The following CFAP54 variants were observed in gnomAD, a reference collection of about 807,000 sequenced individuals.
CFAP54 encodes cilia and flagella associated protein 54, also known as cilia- and flagella-associated protein 54.
CFAP54 carries 290 observed loss-of-function variants against 370.4 expected under a neutral mutation model. The ratio of observed to expected loss-of-function variants is 0.78; its 90% CI spans 0.71 to 0.86. CFAP54 has a LOEUF of 0.86. CFAP54 is among the 40% of genes least tolerant of loss of function. The probability of loss-of-function intolerance (pLI) is 0.00; values close to 1 mark genes in which losing one functional copy is unlikely to be tolerated. For synonymous variants in CFAP54, 1,206 were observed against 1,236.5 expected (o/e 0.98, Z 0.52); for missense variants, 3,399 against 3,528.7 (o/e 0.96, Z 0.93).
intron 1 of CFAP54, among the ~76,000 whole-genome samples, chr12:96,498,646 C>T (rs988020738): frequency 8.6e-5 from 13 of 152,002 alleles, no homozygotes; most frequent in Middle Eastern, 3.2e-3. Flanking sequence ...AGTGAGACTC[C>T]ATCTCAAAAC....
chr12:96,641,936 T>TGGGGGGGGGGGG (rs758561828), intron 32 of CFAP54, among the ~76,000 whole-genome samples: 16 of 85,766 alleles, frequency 1.9e-4, no homozygotes, highest in Middle Eastern at 6.6e-3. Flanking sequence ...TGTGGGGTGG[T>TGGGGGGGGGGGG]GCGGGGGGGG....
At chr12:96,849,749 C>A (rs1177599061) in intron 66 of CFAP54, among the ~76,000 whole-genome samples, 1 of 152,066 alleles carries the variant, frequency 6.6e-6, no homozygotes, top group Non-Finnish European at 1.5e-5. Context: ...CTGCAGTATG[C>A]CCCCACTTGA....
At chr12:96,650,716 T>G (rs1382266923) in intron 35 of CFAP54, among the ~76,000 whole-genome samples, 1 of 152,154 alleles carries the variant, frequency 6.6e-6, no homozygotes, top group Non-Finnish European at 1.5e-5. Flanking sequence ...AATCTATCCT[T>G]TCTAGATAAG....
intron 46 of CFAP54, among the ~76,000 whole-genome samples, chr12:96,702,665 G>C (rs1957504243): frequency 6.6e-6 from 1 of 152,186 alleles, no homozygotes; most frequent in African/African-American, 2.4e-5. Flanking sequence ...CTATCTCCCA[G>C]TAGATTCTGA....
At chr12:96,521,731 G>A (rs962605928) in intron 6 of CFAP54, 126 bp from the exon 7 acceptor site, 18 of 618,102 alleles carry the variant, frequency 2.9e-5, no homozygotes, top group Non-Finnish European at 4.3e-5. Flanking sequence ...GATAAAAGGA[G>A]TCAGCATTAA....
intron 26 of CFAP54, among the ~76,000 whole-genome samples, chr12:96,613,707 G>A (rs933964885): frequency 2.4e-4 from 37 of 152,146 alleles, no homozygotes; most frequent in Admixed American, 7.2e-4. Context: ...ATCTCACAGA[G>A]ATACAAACTA....
intron 32 of CFAP54, among the ~76,000 whole-genome samples, chr12:96,630,872 T>G (rs1384903699): frequency 6.6e-6 from 1 of 151,972 alleles, no homozygotes; most frequent in Non-Finnish European, 1.5e-5. Context: ...TGAACTAATA[T>G]AGAATATTTG....
At chr12:96,651,521 A>G (rs1050844927) in intron 35 of CFAP54, 67 bp from the exon 36 acceptor site, 4 of 1,263,942 alleles carry the variant, frequency 3.2e-6, no homozygotes, top group Non-Finnish European at 3.4e-6. Context: ...TTGGAAAAAG[A>G]TGAAGTTGTT....
chr12:96,718,819 A>G (rs906779749), intron 49 of CFAP54, among the ~76,000 whole-genome samples: 1 of 152,192 alleles, frequency 6.6e-6, no homozygotes, highest in African/African-American at 2.4e-5. Flanking sequence ...TGGGCGGATC[A>G]CCTGAGGTCG....
intron 67 of CFAP54, among the ~76,000 whole-genome samples, chr12:96,866,320 A>G (rs924428485): frequency 6.6e-6 from 1 of 152,142 alleles, no homozygotes; most frequent in South Asian, 2.1e-4. Context: ...AATTAAATTC[A>G]TTAGTTAAAA....
Position 96,817,760 on chromosome 12 carries a change from ATT to A in CFAP54, c.8958-13_8958-12del, listed in dbSNP as rs761108755. The A allele has an allele frequency of 7.0e-7, 1 of 1,422,276 alleles. No homozygotes were observed. Among genetic ancestry groups the A allele is most frequent in the South Asian group, 1.4e-5 (1 of 70,456 alleles). 88.1% of individuals were successfully genotyped at this position (1,422,276 alleles called of 1,614,324 possible). A position where few individuals can be genotyped will look rare whatever the true frequency, so the allele number is the denominator to read the frequency against. ...AACTCTTCAAATAAAATACATATAT[ATT>A]TGTTATTTTCAGGGTTATTGCAATT... is the stretch of plus-strand genomic sequence containing the variant. On this transcript the variant is annotated splice_polypyrimidine_tract_variant and intron_variant, in intron 64 of 67. Transcript: ENST00000524981.
At chr12:96,827,706 A>T (rs1025785820) in intron 65 of CFAP54, among the ~76,000 whole-genome samples, 8 of 46,210 alleles carry the variant, frequency 1.7e-4, no homozygotes, top group African/African-American at 5.7e-4. Context: ...ATATTATATT[A>T]TATATAATTA....
chr12:96,666,673 A>T (rs916081911), intron 39 of CFAP54, among the ~76,000 whole-genome samples: 7 of 152,174 alleles, frequency 4.6e-5, no homozygotes, highest in Non-Finnish European at 8.8e-5. Context: ...GTTACCTCCC[A>T]CTGGGTCCCT....
intron 6 of CFAP54, among the ~76,000 whole-genome samples, chr12:96,520,466 C>T (rs751823237): frequency 3.3e-5 from 5 of 152,044 alleles, no homozygotes; most frequent in Admixed American, 6.5e-5. Flanking sequence ...AAGCTGAGAT[C>T]GCACCGTTGC....
chr12:96,640,033 C>T (rs1956706656), intron 32 of CFAP54, among the ~76,000 whole-genome samples: 1 of 152,160 alleles, frequency 6.6e-6, no homozygotes, highest in African/African-American at 2.4e-5. Context: ...CAAGGATGCC[C>T]TCTCTCACCA....
intron 8 of CFAP54, among the ~76,000 whole-genome samples, chr12:96,525,161 AT>A (rs11407103): frequency 7.3e-4 from 110 of 149,812 alleles, no homozygotes; most frequent in East Asian, 2.5e-3. Context: ...ATTTGTTTAA[AT>A]TTTTTTTTTG....
chr12:96,758,075 T>G (rs533868893), intron 58 of CFAP54, among the ~76,000 whole-genome samples: 1 of 152,248 alleles, frequency 6.6e-6, no homozygotes, highest in Non-Finnish European at 1.5e-5. Flanking sequence ...ATCCAGGTAC[T>G]CTCATAGAGG....
chr12:96,510,832 G>A (rs891406366), intron 4 of CFAP54, among the ~76,000 whole-genome samples: 1 of 151,864 alleles, frequency 6.6e-6, no homozygotes, highest in African/African-American at 2.4e-5. Context: ...GCGTGGTGGC[G>A]AGCGCCTGTA....
At chr12:96,492,474 G>A (rs1370395910) in intron 1 of CFAP54, among the ~76,000 whole-genome samples, 1 of 152,180 alleles carries the variant, frequency 6.6e-6, no homozygotes, top group Non-Finnish European at 1.5e-5. Flanking sequence ...CCTCAGCTCA[G>A]TTGTCACCTC....
Sources: gnomAD v4.1 joint callset for allele counts (sites outside exome capture counted in the v4.1 genomes callset) on GRCh38, gnomAD v4.1.1 for gene constraint, MANE v1.5 for transcripts, NCBI Gene and HGNC (gene_info 2026-07-23, HGNC 2026-07-21) for gene names.